The following RAB4A variants were observed in gnomAD, a reference collection of about 807,000 sequenced individuals.
RAB4A encodes RAB4A, member RAS oncogene family.
In RAB4A, 20 loss-of-function variants were observed where a neutral mutation model predicts 34.5. The ratio of observed to expected loss-of-function variants is 0.58; its 90% confidence interval spans 0.41 to 0.84. The LOEUF (loss-of-function observed/expected upper bound fraction) is 0.84. RAB4A is among the 40% of genes least tolerant of loss of function. The pLI is 0.00. For missense variants in RAB4A, 228 were observed against 274.5 expected (o/e 0.83, Z 1.20); for synonymous variants, 102 against 100.0 (o/e 1.02, Z -0.12).
intron 2 of RAB4A, among the ~76,000 whole-genome samples, chr1:229,288,455 G>A (rs534951855): frequency 3.3e-5 from 5 of 152,320 alleles, no homozygotes; most frequent in African/African-American, 1.2e-4. Context: ...GATGTGGTTC[G>A]GATATGGCAG....
chr1:229,295,494 G>A (rs1364067583), intron 3 of RAB4A, among the ~76,000 whole-genome samples: 2 of 152,090 alleles, frequency 1.3e-5, no homozygotes, highest in African/African-American at 2.4e-5. Context: ...CAGGGAGTGG[G>A]GTAGATGAGG....
chr1:229,284,931 C>T (rs893708224), intron 1 of RAB4A, among the ~76,000 whole-genome samples: 108 of 152,074 alleles, frequency 7.1e-4, no homozygotes, highest in African/African-American at 2.5e-3. Flanking sequence ...TCAGTACTGC[C>T]TACTGGTAAT....
intron 1 of RAB4A, among the ~76,000 whole-genome samples, chr1:229,285,471 A>T (rs559911183): frequency 6.6e-6 from 1 of 152,332 alleles, no homozygotes; most frequent in East Asian, 1.9e-4. Flanking sequence ...TCAGTAAAGG[A>T]ACACACTCTT....
Position 229,288,786 on chromosome 1 carries a change from T to G in RAB4A, c.170T>G (p.Val57Gly), listed in dbSNP as rs773328557. The change falls in exon 3 of 8, where the codon GTT (valine) becomes GGT (glycine). Residue 57 changes from valine to glycine, a missense_variant. Physicochemically the swap from Val to Gly is moderately radical, Grantham distance 109 (BLOSUM62 -3). Coordinates refer to ENST00000366690, the MANE Select transcript of RAB4A (RefSeq NM_004578.4). ...GVEFGSKIIN[V>G]GGKYVKLQIW... The stretch of plus-strand genomic sequence containing the variant: ...GAATTTGGTTCAAAGATAATAAATG[T>G]TGGTGGTAAATATGTAAAGTTACAA... The G allele has an allele frequency of 3.1e-6, 5 of 1,599,430 alleles. No homozygotes were observed. The Admixed American group carries it at 5.0e-5, about 16-fold the overall frequency.
chr1:229,305,292 CATTT>C lies in RAB4A; in HGVS notation c.*1502_*1505del, dbSNP rs1250917175. The C allele has an allele frequency of 6.3e-7, 1 of 1,591,616 alleles. No homozygotes were observed. Among genetic ancestry groups the C allele is most frequent in the African/African-American group, 1.4e-5 (1 of 73,904 alleles). On this transcript the variant is annotated 3_prime_UTR_variant, in exon 8 of 8. Transcript: ENST00000366690. The stretch of plus-strand genomic sequence containing the variant: ...TGTAAGAATATTTTATTCAATGTCT[CATTT>C]ATGATAGATTTGCAAGCTGCTCATT...
intron 1 of RAB4A, among the ~76,000 whole-genome samples, chr1:229,278,924 G>A (rs1201423003): frequency 1.3e-5 from 2 of 152,016 alleles, no homozygotes; most frequent in Non-Finnish European, 2.9e-5. Context: ...TTTCATATTC[G>A]GCCCTTATAA....
chr1:229,298,950 C>T (rs1553302062), intron 5 of RAB4A, 27 bp from the exon 6 acceptor site: 2 of 1,533,634 alleles, frequency 1.3e-6, no homozygotes, highest in Non-Finnish European at 9.0e-7. Context: ...CTAAACATGA[C>T]TTTATTTTGT....
intron 1 of RAB4A, among the ~76,000 whole-genome samples, chr1:229,272,329 C>G (rs1047561793): frequency 6.6e-6 from 1 of 152,168 alleles, no homozygotes; most frequent in Non-Finnish European, 1.5e-5. Flanking sequence ...TTAGTCCTGT[C>G]TCCATCTGTC....
chr1:229,283,912 T>TA (rs1656848062), intron 1 of RAB4A, among the ~76,000 whole-genome samples: 1 of 147,356 alleles, frequency 6.8e-6, no homozygotes, highest in African/African-American at 2.5e-5. Flanking sequence ...TTATTATTAT[T>TA]TTTAATAGAG....
intron 3 of RAB4A, among the ~76,000 whole-genome samples, chr1:229,289,677 G>T (rs775754341): frequency 2.6e-5 from 4 of 152,078 alleles, no homozygotes; most frequent in African/African-American, 9.7e-5. Flanking sequence ...TTAGCCGGGC[G>T]TGGTGGCAGG....
chr1:229,293,831 C>T (rs573727941), intron 3 of RAB4A, among the ~76,000 whole-genome samples: 8 of 152,280 alleles, frequency 5.3e-5, no homozygotes, highest in East Asian at 3.9e-4. Flanking sequence ...GGAAAGCCAG[C>T]GGTGTGACGA....
chr1:229,304,993 A>G lies in RAB4A; in HGVS notation c.*1200A>G. 3.2e-6 allele frequency: 3 copies of G among 951,120 alleles called. No individual in the cohort carries two copies. The highest frequency in any genetic ancestry group is 4.3e-6 in the Non-Finnish European group (3 of 698,428). The allele number at this position is 951,120 out of a possible 1,614,324, so 58.9% of individuals were successfully genotyped here. On this transcript the variant is annotated 3_prime_UTR_variant, in exon 8 of 8. Transcript: ENST00000366690. The stretch of plus-strand genomic sequence containing the variant: ...ATTATTTAAATCTGAAAGGTTAAAA[A>G]GCTTTCTTCACCTTATATATGTTCT...
At chr1:229,285,891 G>A (rs1656909201) in intron 1 of RAB4A, among the ~76,000 whole-genome samples, 1 of 152,174 alleles carries the variant, frequency 6.6e-6, no homozygotes, top group Admixed American at 6.5e-5. Context: ...ATATTACTAT[G>A]TGTAAAGAAG....
chr1:229,302,288 TATATATATATATATA>T lies in RAB4A; in HGVS notation c.542-573_542-559del, dbSNP rs1657417072. ...ATATATATATATATATATATATATA[TATATATATATATATA>T]TATATATTTTTTTTTTTTTTTTACA... is the stretch of plus-strand genomic sequence containing the variant. On this transcript the variant is annotated intron_variant, in intron 6 of 7. Coordinates refer to ENST00000366690, the MANE Select transcript of RAB4A (RefSeq NM_004578.4). Among the ~76,000 whole-genome samples the T allele has an allele frequency of 1.2e-3, 28 of 24,110 alleles. 1 individual carries two copies. Among genetic ancestry groups the T allele is most frequent in the African/African-American group, 4.4e-3 (26 of 5,866 alleles). 15.8% of individuals were successfully genotyped at this position (24,110 alleles called of 152,430 possible).
chr1:229,280,571 A>C (rs1337781005), intron 1 of RAB4A, among the ~76,000 whole-genome samples: 3 of 151,848 alleles, frequency 2.0e-5, no homozygotes, highest in African/African-American at 7.3e-5. Context: ...TTTTTCCGTT[A>C]AGCTTTCTAT....
At chr1:229,286,803 C>T (rs1328635273) in intron 2 of RAB4A, among the ~76,000 whole-genome samples, 1 of 152,130 alleles carries the variant, frequency 6.6e-6, no homozygotes, top group Non-Finnish European at 1.5e-5. Flanking sequence ...TGCTGAGAGA[C>T]CATATAGTGA....
In RAB4A at chr1:229,297,552, A is replaced by C. The variant is rs1193866538; in HGVS notation, c.361A>C (p.Ile121Leu). ...ARMLASQNIV[I>L]ILCGNKKDLD... Reference sequence around the variant, plus strand: ...AATGCTAGCGAGCCAGAACATTGTGATCATCCTTTGTGGAAACAAGAAGGA... The same window carrying C: ...AATGCTAGCGAGCCAGAACATTGTGCTCATCCTTTGTGGAAACAAGAAGGA... The change falls in exon 5 of 8, where the codon ATC becomes CTC. Residue 121 changes from isoleucine (I) to leucine (L), a missense_variant. Ile to Leu is a conservative substitution (Grantham distance 5). Transcript: ENST00000366690. The C allele has an allele frequency of 1.9e-6, 3 of 1,613,274 alleles. No homozygotes were observed. The highest frequency in any genetic ancestry group is 1.3e-5 in the African/African-American group (1 of 74,920).
At chr1:229,291,725 G>A (rs1366813182) in intron 3 of RAB4A, among the ~76,000 whole-genome samples, 1 of 152,134 alleles carries the variant, frequency 6.6e-6, no homozygotes, top group African/African-American at 2.4e-5. Flanking sequence ...CCTCGCTTGT[G>A]GAGAGTAGGG....
At chr1:229,301,619 T>A (rs1350215214) in intron 6 of RAB4A, among the ~76,000 whole-genome samples, 1 of 152,116 alleles carries the variant, frequency 6.6e-6, no homozygotes, top group Non-Finnish European at 1.5e-5. Flanking sequence ...CCAAGATGTG[T>A]TTTTTTCTGA....
Sources: allele counts gnomAD v4.1 joint callset (sites outside exome capture counted in the v4.1 genomes callset), GRCh38; gene constraint gnomAD v4.1.1; transcripts MANE v1.5; gene names NCBI Gene and HGNC (gene_info 2026-07-23, HGNC 2026-07-21).